Variants in KIF4A observed in about 807,000 individuals in gnomAD.
KIF4A encodes chromosome-associated kinesin KIF4A.
In KIF4A, 7 loss-of-function variants were observed where a neutral mutation model predicts 105.9. The ratio of observed to expected loss-of-function variants is 0.07; its 90% CI spans 0.04 to 0.12. The LOEUF (loss-of-function observed/expected upper bound fraction) is 0.12. Among genes scored for constraint, KIF4A ranks in the 10% least tolerant of loss-of-function variants. The pLI is 1.00. For missense variants in KIF4A, 558 were observed against 929.2 expected, an observed-to-expected ratio of 0.60 and a Z score of 5.19; for synonymous variants, 281 against 331.3, an observed-to-expected ratio of 0.85 and a Z score of 1.65.
chrX:70,371,006 A>G (rs1413071821), intron 15 of KIF4A, among the ~76,000 whole-genome samples: 1 of 108,874 alleles, frequency 9.2e-6, no homozygotes, highest in Non-Finnish European at 1.9e-5. Flanking sequence ...GTGACTGAGT[A>G]CATTGCTTGG....
chrX:70,335,772 T>G (rs1376607517), intron 10 of KIF4A, among the ~76,000 whole-genome samples: 5 of 111,769 alleles, frequency 4.5e-5, no homozygotes, highest in Non-Finnish European at 7.5e-5. Context: ...CAATTGACAT[T>G]GGCAACTAGG....
At position 70,352,603 on chromosome X, in the gene KIF4A, G is replaced by A. The variant is rs770839474; in HGVS notation, c.1435G>A (p.Glu479Lys). 3.5e-5 allele frequency: 42 copies of A among 1,199,457 alleles called. No individual in the cohort carries two copies. Among genetic ancestry groups the A allele is most frequent in the Admixed American group, 4.4e-5 (2 of 45,676 alleles). Residue 479 changes from glutamate (E) to lysine (K), a missense_variant, in exon 14 of 31, where the codon GAA becomes AAA. Transcript: ENST00000374403. ...ACCAAAACATTTGTTACTGCAGGAT[G>A]AAACTGTTGCTTGCATGGCTGCAGC... is the stretch of plus-strand genomic sequence containing the variant. ...LQQLITQLSDETVACMAAAID... is the reference protein window; with the variant it reads ...LQQLITQLSDKTVACMAAAID...
intron 10 of KIF4A, among the ~76,000 whole-genome samples, chrX:70,337,784 A>G (rs1182195333): frequency 1.8e-5 from 2 of 112,356 alleles, no homozygotes; most frequent in Non-Finnish European, 3.8e-5. Flanking sequence ...GTATATACCT[A>G]GAAGTAAATA....
chrX:70,413,063 CA>C (rs2086328701), intron 28 of KIF4A, among the ~76,000 whole-genome samples: 1 of 112,224 alleles, frequency 8.9e-6, no homozygotes, highest in African/African-American at 3.2e-5. Flanking sequence ...TTTACACATA[CA>C]AATTTATACT....
At chrX:70,293,172 T>A (rs2147655802) in intron 3 of KIF4A, among the ~76,000 whole-genome samples, 1 of 112,754 alleles carries the variant, frequency 8.9e-6, no homozygotes, top group African/African-American at 3.2e-5. Context: ...TTATGATCCT[T>A]CATTTAGACC....
At chrX:70,378,250 G>T (rs770162562) in intron 18 of KIF4A, among the ~76,000 whole-genome samples, 1 of 111,332 alleles carries the variant, frequency 9.0e-6, no homozygotes, top group African/African-American at 3.3e-5. Context: ...GGAGGCTGAG[G>T]TGGAAGGATC....
chrX:70,414,061 T>G (rs920587841), intron 28 of KIF4A, among the ~76,000 whole-genome samples: 1 of 111,189 alleles, frequency 9.0e-6, no homozygotes, highest in South Asian at 3.8e-4. Flanking sequence ...GTGGTACAGT[T>G]TAGATTATAT....
In KIF4A at chrX:70,310,311, TTGTG is replaced by T. The variant is rs1555945529; in HGVS notation, c.778+7948_778+7951del. ...TCATTACAGTGGGATCTCAAAATGG[TTGTG>T]TGTGTGTGTGTGTGTGTGTGTGTGT... On this transcript the variant is annotated intron_variant, in intron 7 of 30. Coordinates refer to ENST00000374403, the MANE Select transcript of KIF4A (RefSeq NM_012310.5). 5.0e-3 allele frequency among the ~76,000 whole-genome samples: 428 copies of T among 86,259 alleles called. 2 individuals carry two copies. Among genetic ancestry groups the T allele is most frequent in the South Asian group, 9.9e-3 (17 of 1,721 alleles). The allele number at this position is 86,259 out of a possible 115,157, so 74.9% of individuals were successfully genotyped here. A position where few individuals can be genotyped will look rare whatever the true frequency, so the allele number is the denominator to read the frequency against.
rs752072010 is a variant in KIF4A, at chrX:70,338,649, A to T, written c.1134-3150A>T. On this transcript the variant is annotated intron_variant, in intron 10 of 30. Coordinates refer to ENST00000374403, the MANE Select transcript of KIF4A (RefSeq NM_012310.5). ...ATATGGACATGGGTTTTCATGGGGT[A>T]AATGCCTGGGTATAGAATTGGTGGG... 2.3e-4 allele frequency among the ~76,000 whole-genome samples: 26 copies of T among 112,095 alleles called. No homozygotes were observed. The Middle Eastern group carries it at 0.019, about 80-fold the overall frequency.
intron 29 of KIF4A, 37 bp downstream of exon 29, chrX:70,418,041 G>A: frequency 9.1e-7 from 1 of 1,096,916 alleles, no homozygotes; most frequent in Non-Finnish European, 1.2e-6. Flanking sequence ...CTTCCCTTCA[G>A]ACCTTCCTCT....
chrX:70,396,691 A>G (rs2086260805), intron 22 of KIF4A, among the ~76,000 whole-genome samples: 1 of 112,480 alleles, frequency 8.9e-6, no homozygotes, highest in African/African-American at 3.2e-5. Flanking sequence ...GAGATCATCA[A>G]GAAAATAGTT....
intron 7 of KIF4A, among the ~76,000 whole-genome samples, chrX:70,313,025 G>A (rs979160356): frequency 1.8e-5 from 2 of 110,320 alleles, no homozygotes; most frequent in Admixed American, 1.9e-4. Flanking sequence ...TTTTCTCTTG[G>A]GTGTATAGTT....
intron 7 of KIF4A, among the ~76,000 whole-genome samples, chrX:70,311,947 G>A (rs1393383711): frequency 3.1e-5 from 3 of 97,504 alleles, no homozygotes; most frequent in Non-Finnish European, 6.1e-5. Flanking sequence ...GAGTGGGACC[G>A]TCTCTAAAAA....
At chrX:70,310,079 C>T (rs948525909) in intron 7 of KIF4A, among the ~76,000 whole-genome samples, 3 of 111,577 alleles carry the variant, frequency 2.7e-5, no homozygotes, top group South Asian at 3.7e-4. Context: ...CAGTAAAATG[C>T]GCATACCTTA....
At chrX:70,304,629 C>T (rs2085819001) in intron 7 of KIF4A, among the ~76,000 whole-genome samples, 1 of 100,447 alleles carries the variant, frequency 1.0e-5, no homozygotes, top group Non-Finnish European at 2.0e-5. Context: ...CATGTTGCAT[C>T]ATATATCAGT....
chrX:70,375,583 A>G (rs2086171709), intron 17 of KIF4A, among the ~76,000 whole-genome samples: 1 of 111,900 alleles, frequency 8.9e-6, no homozygotes, highest in Non-Finnish European at 1.9e-5. Flanking sequence ...AGTCTCTGAA[A>G]CCAAAGAACA....
intron 28 of KIF4A, among the ~76,000 whole-genome samples, chrX:70,414,594 AAATCATTGAGGG>A (rs2086335701): frequency 8.9e-6 from 1 of 112,200 alleles, no homozygotes; most frequent in South Asian, 3.7e-4. Context: ...GTCATGTGGC[AAATCATTGAGGG>A]AACTAGGTAC....
chrX:70,301,353 A>G (rs1223660592), intron 5 of KIF4A, among the ~76,000 whole-genome samples: 1 of 111,484 alleles, frequency 9.0e-6, no homozygotes, highest in Non-Finnish European at 1.9e-5. Flanking sequence ...TAGTCCAATC[A>G]CCTCAGAGGC....
intron 13 of KIF4A, among the ~76,000 whole-genome samples, chrX:70,351,669 C>A (rs924632482): frequency 3.6e-5 from 4 of 112,414 alleles, no homozygotes; most frequent in African/African-American, 1.3e-4. Context: ...GTACCTTTAT[C>A]TGACTTCAAG....
Sources: gnomAD v4.1 joint callset for allele counts (sites outside exome capture counted in the v4.1 genomes callset) on GRCh38, gnomAD v4.1.1 for gene constraint, MANE v1.5 for transcripts, NCBI Gene and HGNC (gene_info 2026-07-23, HGNC 2026-07-21) for gene names.